PTPRG: variants seen among roughly 807,000 people sequenced by gnomAD.
The protein encoded by PTPRG is protein tyrosine phosphatase receptor type G.
A neutral mutation model predicts 165.3 loss-of-function variants in PTPRG; 102 were observed. The ratio of observed to expected loss-of-function variants is 0.62; its 90% CI spans 0.53 to 0.73. The LOEUF (loss-of-function observed/expected upper bound fraction) is 0.73. PTPRG is among the 30% of genes least tolerant of loss of function. PTPRG has a pLI of 0.00. For synonymous variants in PTPRG, 675 were observed against 669.5 expected (o/e 1.01, Z -0.13); for missense variants, 1,866 against 1,861.4 (o/e 1.00, Z -0.05).
At chr3:61,787,754 C>T (rs533199052) in intron 2 of PTPRG, among the ~76,000 whole-genome samples, 1 of 152,272 alleles carries the variant, frequency 6.6e-6, no homozygotes, top group Admixed American at 6.5e-5. Context: ...TCTTAAAAGG[C>T]CGATTTATTG....
intron 2 of PTPRG, among the ~76,000 whole-genome samples, chr3:61,876,698 C>T (rs1047767842): frequency 2.6e-5 from 4 of 152,108 alleles, no homozygotes; most frequent in South Asian, 2.1e-4. Flanking sequence ...CCCCTGAAGT[C>T]GGGAGTTTGA....
rs1703087175 is a variant in PTPRG at position 62,297,097 on chromosome 3, T to A, written c.*3790T>A. The stretch of plus-strand genomic sequence containing the variant: ...TCCATTTTGAAATAGCTAAAAATCA[T>A]TAAAACTGTAAATATTTTGTTGCTT... On this transcript the variant is annotated 3_prime_UTR_variant, in exon 30 of 30. Coordinates refer to ENST00000474889, the MANE Select transcript of PTPRG (RefSeq NM_002841.4). 3.3e-5 allele frequency: 5 copies of A among 152,094 alleles called. No individual in the cohort carries two copies. The South Asian group carries it at 1.0e-3, about 32-fold the overall frequency. The allele number at this position is 152,094 out of a possible 1,614,324, so 9.4% of individuals were successfully genotyped here. A position where few individuals can be genotyped will look rare whatever the true frequency, so the allele number is the denominator to read the frequency against.
chr3:62,016,088 C>G (rs1206511815), intron 4 of PTPRG, among the ~76,000 whole-genome samples: 1 of 151,798 alleles, frequency 6.6e-6, no homozygotes, highest in Non-Finnish European at 1.5e-5. Context: ...TAGTATAAAC[C>G]CCCTCCTCAT....
intron 13 of PTPRG, among the ~76,000 whole-genome samples, chr3:62,227,390 T>C (rs1279695671): frequency 6.6e-6 from 1 of 152,128 alleles, no homozygotes; most frequent in African/African-American, 2.4e-5. Flanking sequence ...TGTGAAGACG[T>C]AGGAAAGGGG....
At chr3:62,265,328 C>T (rs1471539880) in intron 17 of PTPRG, among the ~76,000 whole-genome samples, 1 of 152,240 alleles carries the variant, frequency 6.6e-6, no homozygotes, top group East Asian at 1.9e-4. Context: ...CTGAATTGTA[C>T]TACTGTACTG....
intron 1 of PTPRG, among the ~76,000 whole-genome samples, chr3:61,651,364 TC>T (rs1250023806): frequency 1.8e-4 from 3 of 16,322 alleles, no homozygotes; most frequent in Non-Finnish European, 6.3e-4. Flanking sequence ...TTGTTAATAA[TC>T]TTTTTTTTTT....
chr3:61,753,266 A>G (rs2033513982), intron 2 of PTPRG, among the ~76,000 whole-genome samples: 1 of 152,176 alleles, frequency 6.6e-6, no homozygotes, highest in Non-Finnish European at 1.5e-5. Flanking sequence ...ATATCTTTGG[A>G]TTTCTTTTTC....
At chr3:62,227,961 TC>T (rs1446557119) in intron 13 of PTPRG, among the ~76,000 whole-genome samples, 1 of 152,236 alleles carries the variant, frequency 6.6e-6, no homozygotes, top group African/African-American at 2.4e-5. Context: ...TTCCCTTGTG[TC>T]CGTTGGTGGC....
At chr3:61,957,144 G>A (rs768435323) in intron 2 of PTPRG, among the ~76,000 whole-genome samples, 1 of 152,172 alleles carries the variant, frequency 6.6e-6, no homozygotes, top group African/African-American at 2.4e-5. Context: ...GAGAAGAGTT[G>A]AGAATTAATG....
At chr3:61,576,242 T>A (rs1221116746) in intron 1 of PTPRG, among the ~76,000 whole-genome samples, 1 of 152,214 alleles carries the variant, frequency 6.6e-6, no homozygotes, top group African/African-American at 2.4e-5. Flanking sequence ...CTTTTAGGAT[T>A]TAATTTGTCC....
At chr3:61,799,026 A>C (rs1217264926) in intron 2 of PTPRG, among the ~76,000 whole-genome samples, 1 of 151,914 alleles carries the variant, frequency 6.6e-6, no homozygotes, top group Non-Finnish European at 1.5e-5. Flanking sequence ...AAACATTAAA[A>C]ATTTTTTTTT....
chr3:62,056,969 C>T (rs1054462045), intron 4 of PTPRG, among the ~76,000 whole-genome samples: 5 of 152,146 alleles, frequency 3.3e-5, no homozygotes, highest in African/African-American at 1.2e-4. Context: ...ATTATGCATG[C>T]TGTCTGCATA....
rs1301944341 is a variant in PTPRG, at chr3:62,213,201, T to C, written c.2156-5650T>C. On this transcript the variant is annotated intron_variant, in intron 12 of 29. Transcript: ENST00000474889. This position sits in a 1 kb window ranked among gnomAD's most constrained non-coding sequence, Gnocchi z 4.4. The stretch of plus-strand genomic sequence containing the variant: ...TAAACTGTCAGAATTGTTGTTTGGC[T>C]CCATTGAAGGAAAGAAAAGAATGAA... Among the ~76,000 whole-genome samples the C allele has an allele frequency of 6.6e-6, 1 of 152,074 alleles. No homozygotes were observed. Among genetic ancestry groups the C allele is most frequent in the Non-Finnish European group, 1.5e-5 (1 of 68,010 alleles).
chr3:61,862,330 G>A (rs947732334), intron 2 of PTPRG, among the ~76,000 whole-genome samples: 3 of 151,840 alleles, frequency 2.0e-5, no homozygotes, highest in African/African-American at 7.3e-5. Context: ...CTTTGGCCAA[G>A]GAACCATAAC....
chr3:61,647,153 A>C lies in PTPRG; in HGVS notation c.85+84781A>C, dbSNP rs552676920. ...GGGTGCCATTGCTGGGTCGTATAGT[A>C]AGTACATATTTAGTTTTATGGGAAA... On this transcript the variant is annotated intron_variant, in intron 1 of 29. Coordinates refer to ENST00000474889, the MANE Select transcript of PTPRG (RefSeq NM_002841.4). Among the ~76,000 whole-genome samples the C allele has an allele frequency of 2.4e-4, 37 of 152,334 alleles. 1 individual carries two copies. In the South Asian group the frequency reaches 6.6e-3, roughly 27 times the overall value.
At chr3:61,596,464 A>C (rs572088092) in intron 1 of PTPRG, among the ~76,000 whole-genome samples, 3 of 151,524 alleles carry the variant, frequency 2.0e-5, no homozygotes, top group Non-Finnish European at 4.4e-5. Context: ...GTTGAAGCAC[A>C]GTATATGAAA....
chr3:61,968,789 G>A (rs2040326882), intron 2 of PTPRG, among the ~76,000 whole-genome samples: 1 of 152,154 alleles, frequency 6.6e-6, no homozygotes, highest in African/African-American at 2.4e-5. Context: ...TGATCTTGAT[G>A]ATATCACTGT....
intron 1 of PTPRG, among the ~76,000 whole-genome samples, chr3:61,732,739 A>C (rs2032559609): frequency 6.6e-6 from 1 of 151,428 alleles, no homozygotes; most frequent in Non-Finnish European, 1.5e-5. Context: ...TAAATAAATA[A>C]ATAAATAAAT....
chr3:61,631,360 T>C (rs1462653859), intron 1 of PTPRG, among the ~76,000 whole-genome samples: 2 of 152,246 alleles, frequency 1.3e-5, no homozygotes, highest in African/African-American at 2.4e-5. Context: ...TAGGTGAATA[T>C]AGTATGATAG....
Sources: allele counts gnomAD v4.1 joint callset (sites outside exome capture counted in the v4.1 genomes callset), GRCh38; gene constraint gnomAD v4.1.1; non-coding constraint Gnocchi (gnomAD v3.1); transcripts MANE v1.5; gene names NCBI Gene and HGNC (gene_info 2026-07-23, HGNC 2026-07-21).